Variants in CFAP47 observed in about 807,000 individuals in gnomAD.
CFAP47 encodes cilia- and flagella-associated protein 47.
CFAP47 carries 29 observed loss-of-function variants against 148.1 expected under a neutral mutation model. The ratio of observed to expected loss-of-function variants is 0.20; its 90% confidence interval spans 0.15 to 0.27. CFAP47 has a LOEUF of 0.27. Among genes scored for constraint, CFAP47 ranks in the 10% least tolerant of loss-of-function variants. The probability of loss-of-function intolerance (pLI) is 1.00; values close to 1 mark genes in which losing one functional copy is unlikely to be tolerated. For missense variants in CFAP47, 1,872 were observed against 1,697.5 expected, an observed-to-expected ratio of 1.10 and a Z score of -1.81; for synonymous variants, 664 against 577.3, an observed-to-expected ratio of 1.15 and a Z score of -2.15.
chrX:36,342,409 C>A (rs1194358660), intron 57 of CFAP47, among the ~76,000 whole-genome samples: 3 of 111,556 alleles, frequency 2.7e-5, no homozygotes, highest in African/African-American at 9.8e-5. Flanking sequence ...CCGATCATTG[C>A]AAGTTTTAAA....
intron 2 of CFAP47, among the ~76,000 whole-genome samples, chrX:35,930,974 G>T (rs1042028451): frequency 1.2e-4 from 13 of 110,686 alleles, no homozygotes; most frequent in Non-Finnish European, 2.5e-4. Context: ...TGTTTGATTT[G>T]AATTAATATT....
intron 42 of CFAP47, among the ~76,000 whole-genome samples, chrX:36,193,275 C>T (rs1382597459): frequency 2.7e-5 from 3 of 111,620 alleles, no homozygotes; most frequent in Non-Finnish European, 5.6e-5. Context: ...ATTGATTTTG[C>T]TTGTTTATTG....
chrX:35,948,463 A>C lies in CFAP47; in HGVS notation c.656+11A>C. The C allele has an allele frequency of 8.5e-7, 1 of 1,172,337 alleles. No individual in the cohort carries two copies. The highest frequency in any genetic ancestry group is 1.2e-6 in the Non-Finnish European group (1 of 867,600). ...AGATGAAGAGGCAATGTGAGTATAT[A>C]CTGTGGTTCTAAAAATTATAATACA... On this transcript the variant is annotated intron_variant, in intron 4 of 63. Coordinates refer to ENST00000378653, the MANE Select transcript of CFAP47 (RefSeq NM_001304548.2).
intron 49 of CFAP47, among the ~76,000 whole-genome samples, 153 bp downstream of exon 49, chrX:36,251,597 G>A (rs782722631): frequency 2.7e-5 from 3 of 111,595 alleles, no homozygotes; most frequent in African/African-American, 6.5e-5. Flanking sequence ...AGCTTTCTAA[G>A]TAATCAGGGC....
At chrX:36,194,078 G>T (rs782514472) in intron 42 of CFAP47, among the ~76,000 whole-genome samples, 3 of 111,607 alleles carry the variant, frequency 2.7e-5, no homozygotes, top group Non-Finnish European at 5.6e-5. Flanking sequence ...AGAAGTTGTA[G>T]AATATAGAGA....
intron 45 of CFAP47, among the ~76,000 whole-genome samples, chrX:36,226,910 TTGTC>T (rs1555991620): frequency 3.6e-5 from 4 of 111,759 alleles, no homozygotes; most frequent in Non-Finnish European, 7.5e-5. Flanking sequence ...ATTCTTAAAA[TTGTC>T]TGAACAGTTT....
intron 21 of CFAP47, among the ~76,000 whole-genome samples, chrX:36,006,506 A>G (rs1387923857): frequency 1.8e-5 from 2 of 111,935 alleles, no homozygotes; most frequent in South Asian, 3.7e-4. Flanking sequence ...GTCCTCCACT[A>G]TATTTATTGC....
chrX:36,227,725 G>A (rs1482236433), intron 45 of CFAP47, among the ~76,000 whole-genome samples: 1 of 112,162 alleles, frequency 8.9e-6, no homozygotes, highest in African/African-American at 3.2e-5. Flanking sequence ...GAACTTCCTT[G>A]TACAGAATTA....
At chrX:36,231,004 G>A (rs147542236) in intron 46 of CFAP47, among the ~76,000 whole-genome samples, 3,791 of 104,713 alleles carry the variant, frequency 0.036, 210 homozygotes, top group African/African-American at 0.13. Flanking sequence ...TGCTGTTTTA[G>A]TTACTGTAGC....
At chrX:36,208,682 T>C (rs782582348) in intron 45 of CFAP47, among the ~76,000 whole-genome samples, 27 of 111,694 alleles carry the variant, frequency 2.4e-4, no homozygotes, top group African/African-American at 8.1e-4. Flanking sequence ...AAACATAAAA[T>C]AGGTGAGGTG....
chrX:36,281,918 C>A (rs1941082661), intron 50 of CFAP47, among the ~76,000 whole-genome samples: 1 of 110,971 alleles, frequency 9.0e-6, no homozygotes. Flanking sequence ...AGAAATATCA[C>A]TAAAGATGAG....
chrX:36,028,655 G>T (rs1009754659), intron 22 of CFAP47, among the ~76,000 whole-genome samples: 2 of 111,031 alleles, frequency 1.8e-5, no homozygotes, highest in African/African-American at 6.5e-5. Flanking sequence ...TCCTCAGCTA[G>T]ATTATTGTTT....
chrX:36,297,124 AT>A (rs1221168025), intron 51 of CFAP47, among the ~76,000 whole-genome samples: 1 of 110,315 alleles, frequency 9.1e-6, no homozygotes, highest in Non-Finnish European at 1.9e-5. Context: ...CTCTAATCTA[AT>A]TGTTAATTTG....
intron 21 of CFAP47, among the ~76,000 whole-genome samples, chrX:36,003,953 A>G (rs1458525079): frequency 1.0e-5 from 1 of 95,498 alleles, no homozygotes; most frequent in African/African-American, 4.1e-5. Flanking sequence ...AATCACTAGC[A>G]TTTCTTTCTT....
chrX:36,383,623 A>G (rs1942099157), intron 63 of CFAP47, among the ~76,000 whole-genome samples: 1 of 111,913 alleles, frequency 8.9e-6, no homozygotes, highest in Non-Finnish European at 1.9e-5. Flanking sequence ...TTCTGAATAC[A>G]TAATTATTAC....
intron 60 of CFAP47, among the ~76,000 whole-genome samples, chrX:36,360,768 C>T (rs1338045362): frequency 9.0e-6 from 1 of 111,711 alleles, no homozygotes; most frequent in Non-Finnish European, 1.9e-5. Flanking sequence ...TCTTTGGTAA[C>T]CTACTCATTA....
At chrX:36,378,851 G>A (rs1190948581) in intron 62 of CFAP47, among the ~76,000 whole-genome samples, 7 of 108,367 alleles carry the variant, frequency 6.5e-5, no homozygotes, top group South Asian at 8.1e-4. Flanking sequence ...TTACTCTGTC[G>A]CCCAGGCTGG....
chrX:36,299,145 G>A lies in CFAP47; in HGVS notation c.7855G>A (p.Asp2619Asn), dbSNP rs1430403763. 8.7e-6 allele frequency: 9 copies of A among 1,031,196 alleles called. No homozygotes were observed. The East Asian group carries it at 1.1e-4, about 12-fold the overall frequency. The allele number at this position is 1,031,196 out of a possible 1,213,427, so 85.0% of individuals were successfully genotyped here. A position where few individuals can be genotyped will look rare whatever the true frequency, so the allele number is the denominator to read the frequency against. The change falls in exon 52 of 64, where the codon GAT (aspartate) becomes AAT (asparagine). Residue 2619 changes from aspartate (D) to asparagine (N), a missense_variant. Asp to Asn is a conservative substitution (Grantham distance 23). Transcript: ENST00000378653. ...WYSPATTGYS[D>N]ESIIFQPEMA... ...TTCTCCAGCAACTACAGGCTACAGCGATGAAAGGTATGGTTTGAGTGTGGC... is the reference window on the plus strand; with the variant it reads ...TTCTCCAGCAACTACAGGCTACAGCAATGAAAGGTATGGTTTGAGTGTGGC...
At chrX:35,977,114 T>C (rs192009568) in intron 15 of CFAP47, among the ~76,000 whole-genome samples, 1 of 111,994 alleles carries the variant, frequency 8.9e-6, no homozygotes, top group Non-Finnish European at 1.9e-5. Context: ...TTTATGTACA[T>C]GTTGTGCCTT....
Sources: gnomAD v4.1 joint callset for allele counts (sites outside exome capture counted in the v4.1 genomes callset) on GRCh38, gnomAD v4.1.1 for gene constraint, MANE v1.5 for transcripts, NCBI Gene and HGNC (gene_info 2026-07-23, HGNC 2026-07-21) for gene names.